NEIL3: variants seen among roughly 807,000 people sequenced by gnomAD.
The protein encoded by NEIL3 is endonuclease 8-like 3.
In NEIL3, 48 loss-of-function variants were observed where a neutral mutation model predicts 57.5. That is an observed-to-expected ratio of 0.83 (90% CI 0.66 to 1.06). NEIL3 has a LOEUF of 1.06. Among genes scored for constraint, NEIL3 ranks in the 50% least tolerant of loss-of-function variants. The pLI is 0.00. For synonymous variants in NEIL3, 261 were observed against 253.2 expected (o/e 1.03, Z -0.29); for missense variants, 717 against 739.1 (o/e 0.97, Z 0.35).
At chr4:177,343,543 T>A (rs1292514586) in intron 6 of NEIL3, 34 of 152,340 alleles carry the variant, frequency 2.2e-4, no homozygotes, top group Admixed American at 2.2e-3. Context: ...GGAGCTGGTG[T>A]GCAGAGGAAG....
chr4:177,320,721 C>G (rs991960794), intron 1 of NEIL3, among the ~76,000 whole-genome samples: 1 of 151,828 alleles, frequency 6.6e-6, no homozygotes, highest in Non-Finnish European at 1.5e-5. Context: ...CCCGCCTCGA[C>G]CTCCCAAAGT....
chr4:177,363,954 C>T (rs1416822843), downstream of NEIL3, among the ~76,000 whole-genome samples: 2 of 152,066 alleles, frequency 1.3e-5, no homozygotes, highest in Non-Finnish European at 2.9e-5. Flanking sequence ...TTTGCCATAC[C>T]GCCCAGGCTG....
chr4:177,331,193 C>A (rs2110901218), intron 2 of NEIL3, among the ~76,000 whole-genome samples: 1 of 151,938 alleles, frequency 6.6e-6, no homozygotes, highest in Admixed American at 6.6e-5. Flanking sequence ...AGAAAGAAAA[C>A]CCCAGGCATA....
In NEIL3 at chr4:177,349,054, T is replaced by G. The variant is rs1474106497; in HGVS notation, c.870-2326T>G. ...GGCTAATTTTTTTTTTTTTTTTTTT[T>G]TGTATTTTTAGTAGAGACGGGGTTT... On this transcript the variant is annotated intron_variant, in intron 6 of 9. Transcript: ENST00000264596. Among the ~76,000 whole-genome samples, 457 of 105,598 alleles carry G rather than the reference T, an allele frequency of 4.3e-3. 9 individuals carry two copies. The East Asian group carries it at 0.069, about 16-fold the overall frequency. The allele number at this position is 105,598 out of a possible 152,430, so 69.3% of individuals were successfully genotyped here.
intron 1 of NEIL3, among the ~76,000 whole-genome samples, chr4:177,317,820 C>T (rs1186433383): frequency 6.6e-6 from 1 of 151,926 alleles, no homozygotes; most frequent in Non-Finnish European, 1.5e-5. Flanking sequence ...TGGTCTCAAA[C>T]TCCTGACCTC....
chr4:177,324,674 T>G (rs946422648), intron 2 of NEIL3, among the ~76,000 whole-genome samples: 2 of 152,214 alleles, frequency 1.3e-5, no homozygotes, highest in Middle Eastern at 3.4e-3. Flanking sequence ...ACTCTTCAAC[T>G]AAAACAACAC....
At chr4:177,326,092 G>A (rs28862591) in intron 2 of NEIL3, among the ~76,000 whole-genome samples, 8 of 151,632 alleles carry the variant, frequency 5.3e-5, no homozygotes, top group East Asian at 1.9e-4. Flanking sequence ...TCATTCATAC[G>A]TTTTGTGACC....
At chr4:177,346,098 G>C (rs1473543458) in intron 6 of NEIL3, among the ~76,000 whole-genome samples, 1 of 152,070 alleles carries the variant, frequency 6.6e-6, no homozygotes, top group Non-Finnish European at 1.5e-5. Context: ...TATTACAACT[G>C]CTCTCTTGAA....
At chr4:177,363,974 G>A (rs1735657607), downstream of NEIL3, among the ~76,000 whole-genome samples, 3 of 152,164 alleles carry the variant, frequency 2.0e-5, no homozygotes, top group African/African-American at 7.2e-5. Flanking sequence ...GGTTTCTTCT[G>A]GGCTCAAGAG....
downstream of NEIL3, among the ~76,000 whole-genome samples, chr4:177,366,312 TA>T (rs955806016): frequency 1.3e-5 from 2 of 152,146 alleles, no homozygotes; most frequent in Admixed American, 6.5e-5. Flanking sequence ...TGTGAAGTGT[TA>T]CCATATTAAT....
chr4:177,310,176 T>A, intron 1 of NEIL3, 67 bp downstream of exon 1: 2 of 1,415,100 alleles, frequency 1.4e-6, no homozygotes, highest in Non-Finnish European at 1.9e-6. Context: ...CCCATCAGGG[T>A]TCCAGGATTT....
intron 2 of NEIL3, among the ~76,000 whole-genome samples, chr4:177,333,137 C>G (rs1273226248): frequency 1.3e-5 from 2 of 151,808 alleles, no homozygotes; most frequent in Non-Finnish European, 2.9e-5. Context: ...CTTTATTACC[C>G]TTAGGACACT....
chr4:177,353,728 G>T lies in NEIL3; in HGVS notation c.1460G>T (p.Ser487Ile). 5 of 1,597,918 alleles carry T rather than the reference G, an allele frequency of 3.1e-6. No homozygotes were observed. The highest frequency in any genetic ancestry group is 4.3e-6 in the Non-Finnish European group (5 of 1,175,170). Residue 487 changes from serine to isoleucine, a missense_variant and splice_region_variant, in exon 8 of 10, where the codon AGT (serine) becomes ATT (isoleucine). Coordinates refer to ENST00000264596, the MANE Select transcript of NEIL3 (RefSeq NM_018248.3). ...LKSCNPGYSN[S>I]ELQINMTDGP... Reference sequence around the variant, plus strand: ...AGCTGCAACCCTGGATATTCTAACAGGTATGATGCTTTTAACCTTGGTCTT... The same window carrying T: ...AGCTGCAACCCTGGATATTCTAACATGTATGATGCTTTTAACCTTGGTCTT...
chr4:177,316,333 C>T (rs956737757), intron 1 of NEIL3, among the ~76,000 whole-genome samples: 1 of 152,122 alleles, frequency 6.6e-6, no homozygotes, highest in African/African-American at 2.4e-5. Context: ...GGACTGGTTG[C>T]TAAACACAGA....
intron 6 of NEIL3, 126 bp from the exon 7 acceptor site, chr4:177,351,239 GACTCTAAGATACAGT>G: frequency 1.2e-5 from 1 of 84,596 alleles, no homozygotes; most frequent in East Asian, 3.5e-4. Context: ...AAAAAAAAAA[GACTCTAAGATACAGT>G]ACTAACTTCC....
intron 1 of NEIL3, among the ~76,000 whole-genome samples, chr4:177,312,181 A>C (rs1344868755): frequency 6.6e-6 from 1 of 152,180 alleles, no homozygotes; most frequent in Admixed American, 6.5e-5. Flanking sequence ...TAAAGGATTA[A>C]CCTGATTCTA....
At chr4:177,343,523 G>A (rs1266117659) in intron 6 of NEIL3, 1 of 152,532 alleles carries the variant, frequency 6.6e-6, no homozygotes, top group Non-Finnish European at 1.5e-5. Flanking sequence ...TAGAGCTGGG[G>A]GCAGGGGAGG....
chr4:177,320,348 A>G (rs995450423), intron 1 of NEIL3, among the ~76,000 whole-genome samples: 17 of 151,942 alleles, frequency 1.1e-4, no homozygotes, highest in Non-Finnish European at 4.4e-5. Flanking sequence ...GATAGGTACT[A>G]GAGTTCATCC....
intron 2 of NEIL3, among the ~76,000 whole-genome samples, chr4:177,328,715 G>GA (rs1734826652): frequency 6.6e-6 from 1 of 152,130 alleles, no homozygotes. Flanking sequence ...ATAACAGACA[G>GA]AAATCTGAAC....
Sources: allele counts gnomAD v4.1 joint callset (sites outside exome capture counted in the v4.1 genomes callset), GRCh38; gene constraint gnomAD v4.1.1; transcripts MANE v1.5; gene names NCBI Gene and HGNC (gene_info 2026-07-23, HGNC 2026-07-21).